The following WIPF1 variants were observed in gnomAD, a reference collection of about 807,000 sequenced individuals.
WIPF1 encodes WAS/WASL-interacting protein family member 1.
WIPF1 carries 13 observed loss-of-function variants against 35.4 expected under a neutral mutation model. That is an observed-to-expected ratio of 0.37 (90% CI 0.24 to 0.58). The LOEUF (loss-of-function observed/expected upper bound fraction) is 0.58, where lower values mean the gene tolerates loss of function less well. WIPF1 is among the 20% of genes least tolerant of loss of function. WIPF1 has a pLI of 0.74. For missense variants in WIPF1, 591 were observed against 667.0 expected, an observed-to-expected ratio of 0.89 and a Z score of 1.25; for synonymous variants, 267 against 266.3, an observed-to-expected ratio of 1.00 and a Z score of -0.02.
chr2:174,602,304 C>T (rs1381253406), upstream of WIPF1, among the ~76,000 whole-genome samples: 1 of 152,202 alleles, frequency 6.6e-6, no homozygotes, highest in Non-Finnish European at 1.5e-5. Context: ...ATCACAGCCT[C>T]CTGCCGTGGC....
intron 1 of WIPF1, among the ~76,000 whole-genome samples, chr2:174,667,879 G>C (rs984971784): frequency 1.3e-5 from 2 of 152,138 alleles, no homozygotes; most frequent in African/African-American, 2.4e-5. Flanking sequence ...TATAAACTCC[G>C]CTAGTTTGAT....
intron 4 of WIPF1, 171 bp downstream of exon 4, chr2:174,575,033 T>C: frequency 1.1e-6 from 1 of 878,760 alleles, no homozygotes; most frequent in Non-Finnish European, 1.9e-6. Flanking sequence ...CTGATCCTGG[T>C]TAATAATAAT....
chr2:174,573,200 A>T lies in WIPF1; in HGVS notation c.359-754T>A, dbSNP rs191438837. On this transcript the variant is annotated intron_variant, in intron 4 of 7. Coordinates refer to ENST00000679041, the MANE Select transcript of WIPF1 (RefSeq NM_001375834.1). ...GCTCTGGTTCAACAAGGGAGAAACTAAAGGGGGAACCAAAGAGATGGAAAA... is the reference window on the plus strand; with the variant it reads ...GCTCTGGTTCAACAAGGGAGAAACTTAAGGGGGAACCAAAGAGATGGAAAA... 1.3e-4 allele frequency among the ~76,000 whole-genome samples: 19 copies of T among 151,598 alleles called. No homozygotes were observed. The East Asian group carries it at 3.5e-3, about 28-fold the overall frequency.
At chr2:174,607,271 C>T (rs1434795130) in intron 1 of WIPF1, among the ~76,000 whole-genome samples, 4 of 151,950 alleles carry the variant, frequency 2.6e-5, no homozygotes, top group Admixed American at 6.6e-5. Context: ...GGCGTGGTGG[C>T]GGGCGCCTGT....
At chr2:174,579,120 C>T (rs1345932612) in intron 3 of WIPF1, among the ~76,000 whole-genome samples, 2 of 152,116 alleles carry the variant, frequency 1.3e-5, no homozygotes, top group African/African-American at 2.4e-5. Context: ...TGGGTTCAAG[C>T]GATTCTCCTG....
At chr2:174,650,908 C>T (rs1378325304) in intron 1 of WIPF1, among the ~76,000 whole-genome samples, 2 of 152,254 alleles carry the variant, frequency 1.3e-5, no homozygotes, top group Non-Finnish European at 2.9e-5. Context: ...CAGAGACAGC[C>T]CTACAGACTG....
At chr2:174,629,926 G>A (rs1043003604) in intron 1 of WIPF1, 1 of 152,208 alleles carries the variant, frequency 6.6e-6, no homozygotes, top group African/African-American at 2.4e-5. Context: ...GTGACTTACT[G>A]AAAGAATTAC....
At chr2:174,678,543 G>C (rs915886453) in intron 1 of WIPF1, among the ~76,000 whole-genome samples, 2 of 152,250 alleles carry the variant, frequency 1.3e-5, no homozygotes, top group Admixed American at 6.5e-5. Flanking sequence ...CATGGCGTGG[G>C]TGCTGTAGTT....
chr2:174,595,139 T>TATATATATATAA (rs1332566404), intron 1 of WIPF1, among the ~76,000 whole-genome samples: 2 of 101,854 alleles, frequency 2.0e-5, no homozygotes, highest in Admixed American at 2.5e-4. Flanking sequence ...TATATATATA[T>TATATATATATAA]AATTAACTGG....
Position 174,584,743 on chromosome 2 carries a change from C to CTA in WIPF1, c.51+779_51+780insTA, listed in dbSNP as rs1370834286. 6.3e-3 allele frequency among the ~76,000 whole-genome samples: 952 copies of CTA among 152,182 alleles called. 12 individuals carry two copies. Among genetic ancestry groups the CTA allele is most frequent in the African/African-American group, 0.022 (918 of 41,518 alleles). ...CCTGGCCAACATGGTGAAACCCCGTCCATACTAAAAATACAAAAATTAGCT... is the reference window on the plus strand; with the variant it reads ...CCTGGCCAACATGGTGAAACCCCGTCTACATACTAAAAATACAAAAATTAGCT... On this transcript the variant is annotated intron_variant, in intron 2 of 7. Coordinates refer to ENST00000679041, the MANE Select transcript of WIPF1 (RefSeq NM_001375834.1).
chr2:174,591,334 C>A (rs960102181), intron 1 of WIPF1, among the ~76,000 whole-genome samples: 16 of 152,118 alleles, frequency 1.1e-4, no homozygotes, highest in African/African-American at 3.6e-4. Context: ...TAACAACATA[C>A]GTTTGTCTAT....
intron 1 of WIPF1, among the ~76,000 whole-genome samples, chr2:174,627,436 TTCTC>T (rs758155549): frequency 6.9e-6 from 1 of 145,176 alleles, no homozygotes; most frequent in Non-Finnish European, 1.5e-5. Flanking sequence ...TTTCTTTCCT[TTCTC>T]TTTCTTTCCT....
intron 1 of WIPF1, among the ~76,000 whole-genome samples, chr2:174,678,917 A>G (rs1411298351): frequency 6.6e-6 from 1 of 152,236 alleles, no homozygotes; most frequent in Non-Finnish European, 1.5e-5. Flanking sequence ...CTAAGGGGTT[A>G]TTGTTCTATG....
intron 1 of WIPF1, among the ~76,000 whole-genome samples, chr2:174,587,286 G>T (rs1312421680): frequency 6.6e-6 from 1 of 152,046 alleles, no homozygotes. Flanking sequence ...CATAGTGCTG[G>T]GATTACAGGT....
At chr2:174,612,097 A>T (rs1172665459) in intron 1 of WIPF1, among the ~76,000 whole-genome samples, 2 of 152,072 alleles carry the variant, frequency 1.3e-5, no homozygotes, top group Non-Finnish European at 2.9e-5. Flanking sequence ...TAGTCTTGCT[A>T]TGTTGCCTAG....
intron 1 of WIPF1, among the ~76,000 whole-genome samples, chr2:174,682,253 G>A (rs1688264702): frequency 6.6e-6 from 1 of 152,198 alleles, no homozygotes; most frequent in Admixed American, 6.5e-5. Context: ...GGGAGGGCCG[G>A]GAGGGAGGCG....
At chr2:174,584,723 C>A (rs187413020) in intron 2 of WIPF1, among the ~76,000 whole-genome samples, 36 of 150,838 alleles carry the variant, frequency 2.4e-4, no homozygotes, top group African/African-American at 7.7e-4. Flanking sequence ...ACAAGCCTGG[C>A]CAACATGGTG....
At chr2:174,615,840 G>A (rs1477721921) in intron 1 of WIPF1, among the ~76,000 whole-genome samples, 1 of 152,176 alleles carries the variant, frequency 6.6e-6, no homozygotes, top group African/African-American at 2.4e-5. Flanking sequence ...GGGAGCCAAT[G>A]CTTGGTATTA....
chr2:174,569,111 G>A (rs1026972203), intron 5 of WIPF1, among the ~76,000 whole-genome samples: 1 of 151,912 alleles, frequency 6.6e-6, no homozygotes. Flanking sequence ...TGTTCCGCTT[G>A]TAAGATGCTG....
Sources: gnomAD v4.1 joint callset for allele counts (sites outside exome capture counted in the v4.1 genomes callset) on GRCh38, gnomAD v4.1.1 for gene constraint, MANE v1.5 for transcripts, NCBI Gene and HGNC (gene_info 2026-07-23, HGNC 2026-07-21) for gene names.